The following EIF3D variants were observed in gnomAD, a reference collection of about 807,000 sequenced individuals.
The protein encoded by EIF3D is eIF3 p66.
EIF3D carries 10 observed loss-of-function variants against 75.4 expected under a neutral mutation model. That is an observed-to-expected ratio of 0.13 (90% CI 0.08 to 0.22). EIF3D has a LOEUF of 0.22. EIF3D is among the 10% of genes least tolerant of loss of function. The probability of loss-of-function intolerance (pLI) is 1.00; values close to 1 mark genes in which losing one functional copy is unlikely to be tolerated. For missense variants in EIF3D, 394 were observed against 708.0 expected (o/e 0.56, Z 5.03); for synonymous variants, 246 against 248.3 (o/e 0.99, Z 0.09).
intron 5 of EIF3D, 31 bp from the exon 6 acceptor site, chr22:36,523,312 G>C: frequency 1.3e-6 from 2 of 1,582,670 alleles, no homozygotes; most frequent in Non-Finnish European, 1.7e-6. Flanking sequence ...TCTCAGTGCA[G>C]ACCTTTAAAC....
chr22:36,516,382 A>G (rs955855839), intron 12 of EIF3D, 96 bp downstream of exon 12: 9 of 1,458,696 alleles, frequency 6.2e-6, no homozygotes, highest in Non-Finnish European at 8.3e-6. Flanking sequence ...ACGAAAGGGG[A>G]TAAGAAACAG....
chr22:36,517,036 T>C, intron 10 of EIF3D: 1 of 612,686 alleles, frequency 1.6e-6, no homozygotes, highest in Non-Finnish European at 2.9e-6. Context: ...ATGGCATATA[T>C]TCACCATTTG....
At chr22:36,515,773 A>G (rs2145870759) in intron 12 of EIF3D, among the ~76,000 whole-genome samples, 1 of 152,194 alleles carries the variant, frequency 6.6e-6, no homozygotes, top group South Asian at 2.1e-4. Context: ...ACAGACGGCA[A>G]AACGACACAG....
chr22:36,511,305 C>G (rs1257799895), intron 14 of EIF3D, 198 bp downstream of exon 14: 4 of 1,130,702 alleles, frequency 3.5e-6, no homozygotes, highest in Non-Finnish European at 4.9e-6. Context: ...TCTAAAACAC[C>G]GCTATCCTCC....
At position 36,529,159 on chromosome 22, in the gene EIF3D, G is replaced by GA. The variant is rs1389498502; in HGVS notation, c.-95dup. 2 of 397,474 alleles carry GA rather than the reference G, an allele frequency of 5.0e-6. No individual in the cohort carries two copies. Among genetic ancestry groups the GA allele is most frequent in the Admixed American group, 4.4e-5 (1 of 22,700 alleles). The allele number at this position is 397,474 out of a possible 1,614,324, so 24.6% of individuals were successfully genotyped here. On this transcript the variant is annotated 5_prime_UTR_variant, in exon 1 of 15. Coordinates refer to ENST00000216190, the MANE Select transcript of EIF3D (RefSeq NM_003753.4). ...AGCAGCAGCACTCTTGAGAAACCAGGAAAAGAGGAAACATGCGCGCGCAGC... is the reference window on the plus strand; with the variant it reads ...AGCAGCAGCACTCTTGAGAAACCAGGAAAAAGAGGAAACATGCGCGCGCAGC...
At chr22:36,523,346 C>G in intron 5 of EIF3D, 65 bp from the exon 6 acceptor site, 1 of 1,240,188 alleles carries the variant, frequency 8.1e-7, no homozygotes, top group Non-Finnish European at 1.2e-6. Context: ...AAAAGGCACA[C>G]GCTGCCATTC....
At chr22:36,517,568 C>G (rs1934447951) in intron 9 of EIF3D, 137 bp from the exon 10 acceptor site, 1 of 1,031,356 alleles carries the variant, frequency 9.7e-7, no homozygotes, top group Non-Finnish European at 1.3e-6. Context: ...AGTGGGTCTC[C>G]CTGGTGTGGA....
Position 36,520,560 on chromosome 22 carries a change from A to C in EIF3D, c.578+16T>G, listed in dbSNP as rs747725480. 5 of 1,582,954 alleles carry C rather than the reference A, an allele frequency of 3.2e-6. No individual in the cohort carries two copies. The South Asian group carries it at 5.5e-5, about 18-fold the overall frequency. On this transcript the variant is annotated intron_variant, in intron 7 of 14. Coordinates refer to ENST00000216190, the MANE Select transcript of EIF3D (RefSeq NM_003753.4). The stretch of plus-strand genomic sequence containing the variant: ...ACATAAGAGCAGTGTAGAAAGTAGT[A>C]AAAGATGCTGCTTACATGTCCTGTG...
intron 6 of EIF3D, 75 bp downstream of exon 6, chr22:36,523,134 A>C: frequency 8.5e-7 from 1 of 1,180,188 alleles, no homozygotes; most frequent in Non-Finnish European, 1.3e-6. Flanking sequence ...AGTATATCTC[A>C]TCTAAGCTAT....
At chr22:36,515,295 G>A (rs769389058) in intron 12 of EIF3D, among the ~76,000 whole-genome samples, 34 of 152,200 alleles carry the variant, frequency 2.2e-4, no homozygotes, top group Non-Finnish European at 4.3e-4. Context: ...TTGGGAGGCC[G>A]AGGCAGGCAG....
rs1458332080 is a variant in EIF3D at position 36,517,284 on chromosome 22, G to C, written c.990+17C>G. On this transcript the variant is annotated intron_variant, in intron 10 of 14. Transcript: ENST00000216190. ...TTAAATAAGAATGAATCAATGCCCA[G>C]AGACTCGTTTCCTCACCATTCTCAA... 6.2e-7 allele frequency: 1 copy of C among 1,613,780 alleles called. No homozygotes were observed. The highest frequency in any genetic ancestry group is 8.5e-7 in the Non-Finnish European group (1 of 1,179,824).
chr22:36,524,508 C>G (rs1281681918), intron 4 of EIF3D, 88 bp downstream of exon 4: 10 of 1,577,348 alleles, frequency 6.3e-6, no homozygotes, highest in Non-Finnish European at 8.7e-6. Context: ...TTCCCTCTCT[C>G]ATTAGGAGTC....
chr22:36,515,856 C>T (rs1568998651), intron 12 of EIF3D, among the ~76,000 whole-genome samples: 1 of 121,516 alleles, frequency 8.2e-6, no homozygotes, highest in Non-Finnish European at 1.6e-5. Flanking sequence ...CCCAGAGCGG[C>T]AAACCTTCCA....
chr22:36,521,568 G>A (rs1023926450), intron 6 of EIF3D, among the ~76,000 whole-genome samples: 1 of 152,164 alleles, frequency 6.6e-6, no homozygotes, highest in African/African-American at 2.4e-5. Context: ...TCATCAGCAT[G>A]TGAATGGCTC....
chr22:36,513,866 T>C (rs1338471860), intron 12 of EIF3D, among the ~76,000 whole-genome samples: 3 of 152,216 alleles, frequency 2.0e-5, no homozygotes, highest in Non-Finnish European at 2.9e-5. Flanking sequence ...TGCTGGGGCA[T>C]GTTAGAATTC....
chr22:36,528,592 A>C (rs1934643996), intron 1 of EIF3D, among the ~76,000 whole-genome samples: 1 of 100,408 alleles, frequency 1.0e-5, no homozygotes, highest in African/African-American at 8.4e-5. Context: ...CCATCGCTGA[A>C]CAGGGGGTGG....
chr22:36,517,806 G>A (rs1934451075), intron 9 of EIF3D, among the ~76,000 whole-genome samples: 1 of 151,994 alleles, frequency 6.6e-6, no homozygotes, highest in African/African-American at 2.4e-5. Context: ...GGAGTGCAGT[G>A]GTGTGTCCAC....
intron 1 of EIF3D, among the ~76,000 whole-genome samples, chr22:36,527,504 AAT>A (rs1425590616): frequency 6.6e-6 from 1 of 152,250 alleles, no homozygotes; most frequent in Non-Finnish European, 1.5e-5. Flanking sequence ...ACCTTCTGAA[AAT>A]GCTTAGAAGG....
rs115010404 is a variant in EIF3D at position 36,513,791 on chromosome 22, A to G, written c.1207-1189T>C. Among the ~76,000 whole-genome samples the G allele has an allele frequency of 3.9e-3, 601 of 152,334 alleles. 5 individuals carry two copies. The highest frequency in any genetic ancestry group is 0.014 in the African/African-American group (564 of 41,570). The stretch of plus-strand genomic sequence containing the variant: ...TTCAGGATTTGAACTCATGAACCCA[A>G]GCGATTCTCCCACCTCAGGCTCCTG... On this transcript the variant is annotated intron_variant, in intron 12 of 14. Transcript: ENST00000216190.
Sources: allele counts gnomAD v4.1 joint callset (sites outside exome capture counted in the v4.1 genomes callset), GRCh38; gene constraint gnomAD v4.1.1; transcripts MANE v1.5; gene names NCBI Gene and HGNC (gene_info 2026-07-23, HGNC 2026-07-21).